The following RNF150 variants were observed in gnomAD, a reference collection of about 807,000 sequenced individuals.
The protein encoded by RNF150 is ring finger protein 150.
RNF150 carries 24 observed loss-of-function variants against 39.3 expected under a neutral mutation model. That is an observed-to-expected ratio of 0.61 (90% CI 0.44 to 0.86). The LOEUF (loss-of-function observed/expected upper bound fraction) is 0.86, where lower values mean the gene tolerates loss of function less well. Among genes scored for constraint, RNF150 ranks in the 40% least tolerant of loss-of-function variants. The probability of loss-of-function intolerance (pLI) is 0.00; values close to 1 mark genes in which losing one functional copy is unlikely to be tolerated. For synonymous variants in RNF150, 255 were observed against 227.3 expected (o/e 1.12, Z -1.10); for missense variants, 502 against 587.8 (o/e 0.85, Z 1.51).
At chr4:141,125,374 A>G (rs970192002) in intron 1 of RNF150, among the ~76,000 whole-genome samples, 1 of 152,214 alleles carries the variant, frequency 6.6e-6, no homozygotes, top group African/African-American at 2.4e-5. Flanking sequence ...CAAAACCCTC[A>G]AGAACTAAGA....
chr4:141,165,125 A>T (rs985122142), intron 1 of RNF150, among the ~76,000 whole-genome samples: 1 of 152,176 alleles, frequency 6.6e-6, no homozygotes, highest in South Asian at 2.1e-4. Context: ...AACGGAAAGC[A>T]AAAAACAGCA....
At chr4:140,968,020 T>G in intron 1 of RNF150, 147 bp from the exon 2 acceptor site, 1 of 636,050 alleles carries the variant, frequency 1.6e-6, no homozygotes, top group Admixed American at 3.0e-5. Flanking sequence ...ACCTAATACT[T>G]AGAAACCAAG....
chr4:141,141,662 C>T lies in RNF150; in HGVS notation c.-6+71132G>A, dbSNP rs565893708. Among the ~76,000 whole-genome samples, 7 of 152,232 alleles carry T rather than the reference C, an allele frequency of 4.6e-5. No homozygotes were observed. In the East Asian group the frequency reaches 1.2e-3, roughly 25 times the overall value. On this transcript the variant is annotated intron_variant, in intron 1 of 7. Transcript: ENST00000420921. The stretch of plus-strand genomic sequence containing the variant: ...CTAAAAAATACAAAAATTATCTGGG[C>T]GTGGTGGCACACCCCTGTAATCTCA...
chr4:140,985,130 G>A (rs1733978752), intron 1 of RNF150, among the ~76,000 whole-genome samples: 1 of 152,030 alleles, frequency 6.6e-6, no homozygotes, highest in Non-Finnish European at 1.5e-5. Context: ...TCATGCCTTA[G>A]TGACACTACA....
intron 1 of RNF150, among the ~76,000 whole-genome samples, chr4:141,145,412 GAAAT>G (rs988455028): frequency 6.6e-6 from 1 of 152,138 alleles, no homozygotes; most frequent in Non-Finnish European, 1.5e-5. Context: ...CTGGAATAAA[GAAAT>G]AACCTATTAT....
intron 1 of RNF150, among the ~76,000 whole-genome samples, chr4:141,117,502 T>C (rs1379518986): frequency 6.6e-6 from 1 of 152,198 alleles, no homozygotes; most frequent in African/African-American, 2.4e-5. Context: ...TGCAACAGAC[T>C]GTACCATCTA....
rs532650797 is a variant in RNF150 at position 141,060,628 on chromosome 4, T to C, written c.484+71697A>G. ...ATTCATTTTTAGCTTTACATTTGTA[T>C]TATCTACCAATGTGAATTATAAAAA... On this transcript the variant is annotated intron_variant, in intron 1 of 6. Coordinates refer to ENST00000515673, the MANE Select transcript of RNF150 (RefSeq NM_020724.2). Among the ~76,000 whole-genome samples the C allele has an allele frequency of 2.6e-5, 4 of 152,314 alleles. No homozygotes were observed. The East Asian group carries it at 7.7e-4, about 29-fold the overall frequency.
intron 1 of RNF150, among the ~76,000 whole-genome samples, chr4:141,164,334 A>C (rs1400728043): frequency 6.6e-6 from 1 of 152,138 alleles, no homozygotes; most frequent in African/African-American, 2.4e-5. Flanking sequence ...TTTGACTGGT[A>C]TATGGAAAGT....
chr4:140,930,346 A>G (rs1381481585), intron 4 of RNF150, among the ~76,000 whole-genome samples: 1 of 152,122 alleles, frequency 6.6e-6, no homozygotes, highest in Non-Finnish European at 1.5e-5. Context: ...CTGTATCTAT[A>G]TCTCCATTTC....
chr4:140,912,982 AAAC>A (rs1173970516), intron 5 of RNF150, among the ~76,000 whole-genome samples: 1 of 150,992 alleles, frequency 6.6e-6, no homozygotes, highest in South Asian at 2.1e-4. Context: ...AAAAAAAAAA[AAAC>A]ACCATGGGCT....
chr4:140,957,742 C>T (rs1277399662), intron 2 of RNF150, among the ~76,000 whole-genome samples: 10 of 152,070 alleles, frequency 6.6e-5, no homozygotes, highest in African/African-American at 2.4e-4. Flanking sequence ...GAGTTTATGT[C>T]CTTTGTAGGG....
chr4:141,182,984 T>C (rs1177810480), intron 1 of RNF150, among the ~76,000 whole-genome samples: 1 of 152,004 alleles, frequency 6.6e-6, no homozygotes, highest in Non-Finnish European at 1.5e-5. Context: ...AAAACAGAGA[T>C]ATAGATCAAT....
At chr4:140,901,338 T>G (rs1333228691) in intron 6 of RNF150, among the ~76,000 whole-genome samples, 1 of 152,128 alleles carries the variant, frequency 6.6e-6, no homozygotes, top group Non-Finnish European at 1.5e-5. Flanking sequence ...TACAAGGCAT[T>G]AGTCTCCCTC....
intron 6 of RNF150, among the ~76,000 whole-genome samples, chr4:140,891,054 C>A (rs911009337): frequency 6.6e-6 from 1 of 152,104 alleles, no homozygotes; most frequent in Non-Finnish European, 1.5e-5. Context: ...CTGTCTGCAC[C>A]TATTATTATA....
intron 5 of RNF150, 37 bp downstream of exon 5, chr4:140,925,940 A>T (rs767867577): frequency 7.0e-7 from 1 of 1,424,700 alleles, no homozygotes; most frequent in Non-Finnish European, 9.9e-7. Flanking sequence ...ACGCAGAAAG[A>T]CAGACATTAT....
chr4:140,876,222 T>G (rs1397509946), intron 6 of RNF150, among the ~76,000 whole-genome samples: 1 of 152,350 alleles, frequency 6.6e-6, no homozygotes, highest in East Asian at 1.9e-4. Context: ...AACCCTGTAT[T>G]GTACAAGAGC....
At chr4:140,967,146 T>A (rs1733272333) in intron 2 of RNF150, among the ~76,000 whole-genome samples, 2 of 152,158 alleles carry the variant, frequency 1.3e-5, no homozygotes, top group Non-Finnish European at 2.9e-5. Context: ...GAAGAGGAAC[T>A]GGGTAGCTGA....
chr4:140,916,721 A>G (rs1336576770), intron 5 of RNF150, among the ~76,000 whole-genome samples: 1 of 152,132 alleles, frequency 6.6e-6, no homozygotes, highest in African/African-American at 2.4e-5. Context: ...AAGAAGAGCA[A>G]CTCCAAGACA....
At chr4:141,145,556 G>C (rs1325674648) in intron 1 of RNF150, among the ~76,000 whole-genome samples, 2 of 152,154 alleles carry the variant, frequency 1.3e-5, no homozygotes, top group Non-Finnish European at 2.9e-5. Flanking sequence ...CATGTGAATA[G>C]TATAGCTGAC....
Sources: allele counts gnomAD v4.1 joint callset (sites outside exome capture counted in the v4.1 genomes callset), GRCh38; gene constraint gnomAD v4.1.1; transcripts MANE v1.5; gene names NCBI Gene and HGNC (gene_info 2026-07-23, HGNC 2026-07-21).